Variants in SPOCK3 observed in about 807,000 individuals in gnomAD.
SPOCK3 encodes testican-3.
In SPOCK3, 30 loss-of-function variants were observed where a neutral mutation model predicts 56.6. The ratio of observed to expected loss-of-function variants is 0.53; its 90% CI spans 0.40 to 0.72. The LOEUF (loss-of-function observed/expected upper bound fraction) is 0.72, where lower values mean the gene tolerates loss of function less well. Among genes scored for constraint, SPOCK3 ranks in the 30% least tolerant of loss-of-function variants. SPOCK3 has a pLI of 0.00. For missense variants in SPOCK3, 527 were observed against 530.0 expected (o/e 0.99, Z 0.06); for synonymous variants, 196 against 183.3 (o/e 1.07, Z -0.56).
At chr4:167,167,466 C>T (rs1422459318) in intron 2 of SPOCK3, among the ~76,000 whole-genome samples, 1 of 152,168 alleles carries the variant, frequency 6.6e-6, no homozygotes, top group African/African-American at 2.4e-5. Flanking sequence ...TTGAGTCAAA[C>T]TCCATCTGCC....
chr4:166,752,924 G>A lies in SPOCK3; in HGVS notation c.931+1584C>T, dbSNP rs528331355. Among the ~76,000 whole-genome samples, 47 of 151,918 alleles carry A rather than the reference G, an allele frequency of 3.1e-4. No homozygotes were observed. In the South Asian group the frequency reaches 9.6e-3, roughly 31 times the overall value. ...AGGTACCATTTATTAAACTATTTCT[G>A]CTATGCATTAAATGACCTCAGAGAG... is the stretch of plus-strand genomic sequence containing the variant. On this transcript the variant is annotated intron_variant, in intron 8 of 10. Coordinates refer to ENST00000357545, the MANE Select transcript of SPOCK3 (RefSeq NM_001040159.2).
chr4:166,954,086 A>C (rs1743087140), intron 4 of SPOCK3, among the ~76,000 whole-genome samples: 1 of 126,526 alleles, frequency 7.9e-6, no homozygotes, highest in South Asian at 3.2e-4. Context: ...AAGTATAATA[A>C]AAAAAAAGAA....
At chr4:166,882,577 C>A (rs772047419) in intron 6 of SPOCK3, among the ~76,000 whole-genome samples, 1 of 152,130 alleles carries the variant, frequency 6.6e-6, no homozygotes, top group African/African-American at 2.4e-5. Flanking sequence ...TAAGTTTAAA[C>A]GTCCTTTAGT....
intron 2 of SPOCK3, among the ~76,000 whole-genome samples, chr4:167,187,212 T>C (rs978017151): frequency 6.6e-6 from 1 of 151,968 alleles, no homozygotes; most frequent in Non-Finnish European, 1.5e-5. Flanking sequence ...TTTCATCTTT[T>C]ACGTTTCATT....
intron 2 of SPOCK3, among the ~76,000 whole-genome samples, chr4:167,063,832 C>A (rs1755841495): frequency 6.6e-6 from 1 of 151,780 alleles, no homozygotes; most frequent in Admixed American, 6.6e-5. Flanking sequence ...GTTCCACCCA[C>A]GTTGAGGCAA....
rs182644240 is a variant in SPOCK3 at position 166,807,788 on chromosome 4, A to T, written c.590-15499T>A. Among the ~76,000 whole-genome samples, 209 of 152,224 alleles carry T rather than the reference A, an allele frequency of 1.4e-3. 1 individual carries two copies. Among genetic ancestry groups the T allele is most frequent in the African/African-American group, 4.8e-3 (199 of 41,542 alleles). ...TACTATTTGTATTCCTTCCTAGATT[A>T]TATATACTTTCCAATTCTTGATCTC... On this transcript the variant is annotated intron_variant, in intron 6 of 10. Transcript: ENST00000357545.
intron 4 of SPOCK3, among the ~76,000 whole-genome samples, chr4:166,990,251 G>A (rs1747626706): frequency 6.6e-6 from 1 of 152,080 alleles, no homozygotes. Context: ...ATCACAATGT[G>A]AGGACAGAAA....
At chr4:166,854,153 CCAAAG>C (rs1271429007) in intron 6 of SPOCK3, among the ~76,000 whole-genome samples, 1 of 152,056 alleles carries the variant, frequency 6.6e-6, no homozygotes, top group African/African-American at 2.4e-5. Flanking sequence ...ACTCTCCCTC[CCAAAG>C]CAAAGAAGAG....
intron 5 of SPOCK3, among the ~76,000 whole-genome samples, chr4:166,910,453 A>G (rs1737144702): frequency 6.6e-6 from 1 of 152,126 alleles, no homozygotes; most frequent in Non-Finnish European, 1.5e-5. Context: ...ACGCCCAAGG[A>G]GAACAATGAG....
chr4:166,888,999 T>G, intron 6 of SPOCK3, 131 bp downstream of exon 6: 3 of 644,690 alleles, frequency 4.7e-6, no homozygotes, highest in Non-Finnish European at 8.2e-6. Flanking sequence ...ATATCTTCAA[T>G]AAAAATATAA....
chr4:166,901,904 A>G (rs1736092158), intron 5 of SPOCK3, among the ~76,000 whole-genome samples: 1 of 152,074 alleles, frequency 6.6e-6, no homozygotes, highest in Non-Finnish European at 1.5e-5. Context: ...GATAAATTGA[A>G]CAGATTTGGT....
At chr4:167,015,352 G>A (rs548052504) in intron 3 of SPOCK3, among the ~76,000 whole-genome samples, 1 of 152,034 alleles carries the variant, frequency 6.6e-6, no homozygotes. Context: ...AGACTATTTT[G>A]TAAAACCAAT....
At chr4:166,827,839 A>G (rs921188341) in intron 6 of SPOCK3, among the ~76,000 whole-genome samples, 4 of 10,964 alleles carry the variant, frequency 3.6e-4, no homozygotes, top group Admixed American at 6.6e-4. Flanking sequence ...TCATCAAGGG[A>G]AAAAAAAAAA....
At chr4:166,969,890 T>C (rs1004904198) in intron 4 of SPOCK3, among the ~76,000 whole-genome samples, 2 of 152,184 alleles carry the variant, frequency 1.3e-5, no homozygotes, top group African/African-American at 2.4e-5. Context: ...TTATGGGTAG[T>C]CTTAGGAAAA....
chr4:167,131,642 C>A (rs13125626), intron 2 of SPOCK3, among the ~76,000 whole-genome samples: 36,328 of 151,914 alleles, frequency 0.24, 4,741 homozygotes, highest in African/African-American at 0.35. Context: ...CAACAAAAAC[C>A]TGGGAGTATA....
chr4:167,185,815 G>A (rs934073720), intron 2 of SPOCK3, among the ~76,000 whole-genome samples: 14 of 152,006 alleles, frequency 9.2e-5, no homozygotes, highest in African/African-American at 3.1e-4. Flanking sequence ...TTGAACCAAC[G>A]AGTTTCTAAA....
intron 2 of SPOCK3, among the ~76,000 whole-genome samples, chr4:167,090,393 G>C (rs925269117): frequency 6.6e-6 from 1 of 151,900 alleles, no homozygotes; most frequent in African/African-American, 2.4e-5. Context: ...TAATGATGTT[G>C]ATCAACTTTT....
Position 166,951,613 on chromosome 4 carries a change from G to C in SPOCK3, c.351-38870C>G, listed in dbSNP as rs1219409733. Among the ~76,000 whole-genome samples the C allele has an allele frequency of 5.3e-5, 7 of 131,868 alleles. No individual in the cohort carries two copies. In the East Asian group the frequency reaches 1.5e-3, roughly 28 times the overall value. The allele number at this position is 131,868 out of a possible 152,430, so 86.5% of individuals were successfully genotyped here. ...CAGCATCATCCTGATACCAAAGCTG[G>C]GCAGAGACACAACCAAAAAAGAGAA... On this transcript the variant is annotated intron_variant, in intron 4 of 10. Transcript: ENST00000357545.
At chr4:166,949,809 C>T (rs979905035) in intron 4 of SPOCK3, among the ~76,000 whole-genome samples, 8 of 152,098 alleles carry the variant, frequency 5.3e-5, no homozygotes, top group Non-Finnish European at 1.0e-4. Flanking sequence ...GAATTTTCAA[C>T]CCAGAATTTC....
Sources: gnomAD v4.1 joint callset for allele counts (sites outside exome capture counted in the v4.1 genomes callset) on GRCh38, gnomAD v4.1.1 for gene constraint, MANE v1.5 for transcripts, NCBI Gene and HGNC (gene_info 2026-07-23, HGNC 2026-07-21) for gene names.